Variants in KLF17 observed in about 807,000 individuals in gnomAD.
KLF17 encodes the protein Krueppel-like factor 17.
A neutral mutation model predicts 34.2 loss-of-function variants in KLF17; 31 were observed. The observed-to-expected ratio is 0.91, with a 90% confidence interval of 0.68 to 1.22. The LOEUF (loss-of-function observed/expected upper bound fraction) is 1.22, where lower values mean the gene tolerates loss of function less well. Among genes scored for constraint, KLF17 ranks in the 50% most tolerant of loss-of-function variants. The pLI, the probability that KLF17 is intolerant of heterozygous loss-of-function variation, is 0.00. For missense variants in KLF17, 478 were observed against 505.2 expected, an observed-to-expected ratio of 0.95 and a Z score of 0.52; for synonymous variants, 179 against 186.7, an observed-to-expected ratio of 0.96 and a Z score of 0.34.
the KLF17 span, chr1:44,103,252 C>G: frequency 4.4e-6 from 3 of 682,164 alleles, no homozygotes; most frequent in Middle Eastern, 4.1e-4. Flanking sequence ...GCCTCCCTCC[C>G]GGACTCTGGG....
chr1:44,049,081 C>T, the KLF17 span, among the ~76,000 whole-genome samples: 3 of 152,104 alleles, frequency 2.0e-5, no homozygotes, highest in Admixed American at 6.5e-5. Context: ...AAGGTGCTGG[C>T]GGGGTTGGGT....
the KLF17 span, chr1:44,104,358 A>G: frequency 1.7e-4 from 207 of 1,192,340 alleles, 2 homozygotes; most frequent in Middle Eastern, 2.6e-3. Context: ...GCTCTGGAAC[A>G]TGTTGTCCGT....
the KLF17 span, among the ~76,000 whole-genome samples, chr1:44,066,373 G>T: frequency 6.7e-6 from 1 of 149,258 alleles, no homozygotes; most frequent in Admixed American, 6.7e-5. Flanking sequence ...AAATTAAGGG[G>T]TATGATAATA....
At chr1:44,056,104 A>G in the KLF17 span, among the ~76,000 whole-genome samples, 3 of 152,166 alleles carry the variant, frequency 2.0e-5, no homozygotes, top group Non-Finnish European at 4.4e-5. Context: ...TCCTTCCCTC[A>G]AGGTTTTAGA....
the KLF17 span, among the ~76,000 whole-genome samples, chr1:44,078,560 CCT>C: frequency 6.6e-6 from 1 of 152,138 alleles, no homozygotes; most frequent in Non-Finnish European, 1.5e-5. Context: ...GCCTCAGCCC[CCT>C]GAGTAGCTGG....
chr1:44,091,271 T>C, the KLF17 span, among the ~76,000 whole-genome samples: 2 of 152,110 alleles, frequency 1.3e-5, no homozygotes, highest in African/African-American at 2.4e-5. Flanking sequence ...AATCTGTTAA[T>C]ATCTGGCTAA....
chr1:44,055,820 A>G, the KLF17 span, among the ~76,000 whole-genome samples: 1 of 152,226 alleles, frequency 6.6e-6, no homozygotes, highest in East Asian at 1.9e-4. Context: ...ATCCTGTGCC[A>G]GTCCCCATGT....
At chr1:44,065,452 C>T in the KLF17 span, among the ~76,000 whole-genome samples, 1 of 144,684 alleles carries the variant, frequency 6.9e-6, no homozygotes, top group Non-Finnish European at 1.5e-5. Flanking sequence ...ATCTGTCACC[C>T]AGGCTGAAGT....
chr1:44,118,993 G>A lies in KLF17; in HGVS notation c.81+5G>A. 6.2e-7 allele frequency: 1 copy of A among 1,602,272 alleles called. No individual in the cohort carries two copies. Among genetic ancestry groups the A allele is most frequent in the Non-Finnish European group, 8.5e-7 (1 of 1,174,882 alleles). ...GCGGCGCACCAGGCTGCCCAGGTGA[G>A]TCAGGTGCCAGCCCCTGGCAGGCCG... On this transcript the variant is annotated splice_donor_5th_base_variant and intron_variant, in intron 1 of 3. Coordinates refer to ENST00000372299, the MANE Select transcript of KLF17 (RefSeq NM_173484.4).
chr1:44,055,144 T>G, the KLF17 span, among the ~76,000 whole-genome samples: 2 of 152,160 alleles, frequency 1.3e-5, no homozygotes, highest in Non-Finnish European at 2.9e-5. Flanking sequence ...AAGGGGAGTC[T>G]GAGACACCCA....
chr1:44,083,345 GAGGTTGGTGACAGA>G, the KLF17 span, among the ~76,000 whole-genome samples: 6 of 151,872 alleles, frequency 4.0e-5, no homozygotes, highest in Non-Finnish European at 8.8e-5. Context: ...TTGCAGAAGA[GAGGTTGGTGACAGA>G]ATTATTCTCT....
rs1278321498 is a variant in KLF17, at chr1:44,133,789, C to G, written c.*552C>G. ...TGTGTTACTAGTGGCCCCAGTATACCTGGGATGGACATCCAGGTGCCCTTC... is the reference window on the plus strand; with the variant it reads ...TGTGTTACTAGTGGCCCCAGTATACGTGGGATGGACATCCAGGTGCCCTTC... On this transcript the variant is annotated 3_prime_UTR_variant, in exon 4 of 4. Transcript: ENST00000372299. 6.6e-6 allele frequency: 1 copy of G among 152,310 alleles called. No individual in the cohort carries two copies. Among genetic ancestry groups the G allele is most frequent in the Non-Finnish European group, 1.5e-5 (1 of 68,122 alleles). 9.4% of individuals were successfully genotyped at this position (152,310 alleles called of 1,614,324 possible).
the KLF17 span, among the ~76,000 whole-genome samples, chr1:44,072,173 T>A: frequency 1.3e-5 from 2 of 152,248 alleles, no homozygotes; most frequent in Non-Finnish European, 2.9e-5. Context: ...CCCAGGTTTT[T>A]TTTTTTGTTT....
chr1:44,112,113 C>A, the KLF17 span, among the ~76,000 whole-genome samples: 3 of 152,162 alleles, frequency 2.0e-5, no homozygotes, highest in Admixed American at 6.5e-5. Flanking sequence ...CATTGTTTGA[C>A]CATACCAACA....
At chr1:44,119,951 T>C (rs182274410) in intron 1 of KLF17, among the ~76,000 whole-genome samples, 1 of 152,344 alleles carries the variant, frequency 6.6e-6, no homozygotes, top group Admixed American at 6.5e-5. Context: ...AGAATTCAAA[T>C]GGCGGCCTAC....
At chr1:44,048,309 C>T in the KLF17 span, 1 of 152,182 alleles carries the variant, frequency 6.6e-6, no homozygotes, top group African/African-American at 2.4e-5. Flanking sequence ...TCAGGATGTC[C>T]AGTTAAGCTG....
chr1:44,124,558 G>C (rs1330068044), intron 1 of KLF17, among the ~76,000 whole-genome samples: 2 of 145,570 alleles, frequency 1.4e-5, no homozygotes, highest in Non-Finnish European at 3.0e-5. Flanking sequence ...GCAGTGGCAC[G>C]ATCTCGGCTC....
chr1:44,072,135 G>A, the KLF17 span, among the ~76,000 whole-genome samples: 330 of 152,116 alleles, frequency 2.2e-3, 1 homozygote, highest in Non-Finnish European at 3.4e-3. Context: ...ATGGATTTGG[G>A]TGTGTGGGGA....
chr1:44,065,672 T>A, the KLF17 span, among the ~76,000 whole-genome samples: 2 of 152,162 alleles, frequency 1.3e-5, no homozygotes, highest in East Asian at 1.9e-4. Context: ...GCCTCCCAAA[T>A]TGCTGTAATT....
Sources: allele counts gnomAD v4.1 joint callset (sites outside exome capture counted in the v4.1 genomes callset), GRCh38; gene constraint gnomAD v4.1.1; transcripts MANE v1.5; gene names NCBI Gene and HGNC (gene_info 2026-07-23, HGNC 2026-07-21).